The following CGN variants were observed in gnomAD, a reference collection of about 807,000 sequenced individuals.
CGN encodes cingulin.
CGN carries 121 observed loss-of-function variants against 157.1 expected under a neutral mutation model. That is an observed-to-expected ratio of 0.77 (90% CI 0.66 to 0.90). The LOEUF (loss-of-function observed/expected upper bound fraction) is 0.90. Among genes scored for constraint, CGN ranks in the 40% least tolerant of loss-of-function variants. The pLI is 0.00. For missense variants in CGN, 1,424 were observed against 1,520.9 expected, an observed-to-expected ratio of 0.94 and a Z score of 1.06; for synonymous variants, 535 against 607.5, an observed-to-expected ratio of 0.88 and a Z score of 1.76.
At chr1:151,516,604 G>A (rs901517071) in intron 1 of CGN, among the ~76,000 whole-genome samples, 3 of 149,510 alleles carry the variant, frequency 2.0e-5, no homozygotes, top group Non-Finnish European at 4.4e-5. Flanking sequence ...GTGCAATGGC[G>A]TGATCTTGGG....
At position 151,534,002 on chromosome 1, in the gene CGN, G is replaced by A. The variant is rs748587096; in HGVS notation, c.2770G>A (p.Ala924Thr). ...EIQRLRQALQ[A>T]SQAERDTARL... ...CCAGAGGCTGCGGCAGGCCCTGCAGGCATCCCAGGCTGAGCGGGACACAGC... is the reference window on the plus strand; with the variant it reads ...CCAGAGGCTGCGGCAGGCCCTGCAGACATCCCAGGCTGAGCGGGACACAGC... Residue 924 changes from alanine to threonine, a missense_variant, in exon 15 of 21, where the codon GCA becomes ACA. Ala to Thr is a moderately conservative substitution (Grantham distance 58). Coordinates refer to ENST00000271636, the MANE Select transcript of CGN (RefSeq NM_020770.3). The A allele has an allele frequency of 8.1e-6, 13 of 1,611,620 alleles. No individual in the cohort carries two copies. The highest frequency in any genetic ancestry group is 1.1e-5 in the Non-Finnish European group (13 of 1,179,530).
intron 1 of CGN, among the ~76,000 whole-genome samples, chr1:151,517,508 GT>G (rs560006460): frequency 0.04 from 5,268 of 130,666 alleles, 206 homozygotes; most frequent in African/African-American, 0.12. Context: ...GGCACACAGT[GT>G]TTTTTTTTTT....
intron 5 of CGN, 109 bp from the exon 6 acceptor site, chr1:151,523,325 T>A: frequency 9.8e-7 from 1 of 1,020,262 alleles, no homozygotes; most frequent in Non-Finnish European, 1.4e-6. Flanking sequence ...AAGTATAGTG[T>A]CTATCATACA....
intron 6 of CGN, 57 bp downstream of exon 6, chr1:151,523,618 G>A: frequency 1.3e-6 from 2 of 1,497,980 alleles, no homozygotes; most frequent in South Asian, 2.7e-5. Flanking sequence ...CAGGTTTAGA[G>A]GCCACTCCCT....
At position 151,526,967 on chromosome 1, in the gene CGN, T is replaced by G. The variant is rs756091482; in HGVS notation, c.1764-8T>G. ...CCTTTCCCCTTTATTTCACCTTGCC[T>G]GGCTCAGACTCCTGCAGCTGCGAAT... On this transcript the variant is annotated splice_region_variant and splice_polypyrimidine_tract_variant and intron_variant, in intron 9 of 20. Transcript: ENST00000271636. The G allele has an allele frequency of 1.2e-6, 2 of 1,614,152 alleles. No individual in the cohort carries two copies. Among genetic ancestry groups the G allele is most frequent in the South Asian group, 2.2e-5 (2 of 91,082 alleles).
chr1:151,530,145 T>TGCTCA, intron 12 of CGN, 30 bp downstream of exon 12: 1 of 1,590,952 alleles, frequency 6.3e-7, no homozygotes, highest in Non-Finnish European at 8.6e-7. Context: ...CAGCCCTCTC[T>TGCTCA]GCTCAGCCCT....
Position 151,524,550 on chromosome 1 carries a change from C to T in CGN, c.1402-124C>T. The T allele has an allele frequency of 4.4e-6, 5 of 1,146,288 alleles. No homozygotes were observed. Among genetic ancestry groups the T allele is most frequent in the Non-Finnish European group, 6.3e-6 (5 of 799,648 alleles). The allele number at this position is 1,146,288 out of a possible 1,614,324, so 71.0% of individuals were successfully genotyped here. A position where few individuals can be genotyped will look rare whatever the true frequency, so the allele number is the denominator to read the frequency against. On this transcript the variant is annotated intron_variant, in intron 7 of 20. Transcript: ENST00000271636. This position sits in a 1 kb window ranked among gnomAD's most constrained non-coding sequence, Gnocchi z 4.4. ...AAAGGAAACCTATCATTCTGGGCTC[C>T]AGTACTGGTACTAGAGCACCTGGTA...
Position 151,536,747 on chromosome 1 carries a change from G to C in CGN, c.3324G>C (p.Lys1108Asn). The change falls in exon 20 of 21, where the codon AAG (lysine) becomes AAC (asparagine). Residue 1108 changes from lysine to asparagine, a missense_variant. Physicochemically the swap from Lys to Asn is moderately conservative, Grantham distance 94. Around this residue, in one of 3 missense-constraint regions of CGN, gnomAD observed 199 missense variants for 272.2 expected, o/e 0.73. Coordinates refer to ENST00000271636, the MANE Select transcript of CGN (RefSeq NM_020770.3). ...DQKDQLSLRV[K>N]ALKRQVDEAE... ...CTGCCCAGCTAAGCCTGAGGGTGAA[G>C]GCTTTGAAGCGTCAGGTGGATGAAG... The C allele has an allele frequency of 6.2e-7, 1 of 1,614,126 alleles. No individual in the cohort carries two copies. The highest frequency in any genetic ancestry group is 8.5e-7 in the Non-Finnish European group (1 of 1,180,010).
At chr1:151,537,013 G>C in intron 20 of CGN, 120 bp downstream of exon 20, 2 of 1,261,914 alleles carry the variant, frequency 1.6e-6, no homozygotes, top group Non-Finnish European at 2.2e-6. Flanking sequence ...ACTTGTTTCT[G>C]GTTGGAAGCC....
rs1215535824 is a variant in CGN at position 151,525,700 on chromosome 1, A to G, written c.1673A>G (p.Gln558Arg). Residue 558 changes from glutamine to arginine, a missense_variant, in exon 9 of 21, where the codon CAG becomes CGG. Gln to Arg is a conservative substitution (Grantham distance 43). This residue lies in a region of CGN where 1,187 missense variants were observed against 1,217.6 expected (regional missense o/e 0.97). Coordinates refer to ENST00000271636, the MANE Select transcript of CGN (RefSeq NM_020770.3). The stretch of plus-strand genomic sequence containing the variant: ...ATGTCAGCCCTTGTGCGAGGGCTGC[A>G]GAGGGAGCTGGAGGAGACTTCAGAG... ...QKMSALVRGL[Q>R]RELEETSEET... is the part of the protein sequence containing the mutation. 4 of 1,612,542 alleles carry G rather than the reference A, an allele frequency of 2.5e-6. No homozygotes were observed. Among genetic ancestry groups the G allele is most frequent in the East Asian group, 2.2e-5 (1 of 44,654 alleles).
intron 1 of CGN, among the ~76,000 whole-genome samples, chr1:151,514,250 A>T (rs1664360679): frequency 6.6e-6 from 1 of 152,116 alleles, no homozygotes; most frequent in Non-Finnish European, 1.5e-5. Context: ...GCCTCTGAAT[A>T]ATTTAGTGCT....
intron 1 of CGN, among the ~76,000 whole-genome samples, chr1:151,516,699 C>T (rs576962234): frequency 3.3e-5 from 5 of 151,794 alleles, no homozygotes; most frequent in South Asian, 2.1e-4. Flanking sequence ...CCCGCTACCA[C>T]GCCCGGCTGA....
intron 10 of CGN, among the ~76,000 whole-genome samples, chr1:151,528,147 A>C (rs1055034113): frequency 2.1e-4 from 32 of 149,998 alleles, no homozygotes; most frequent in Admixed American, 1.5e-3. Flanking sequence ...TTACAAAAAA[A>C]ATACACGTAC....
At chr1:151,510,951 G>A (rs1664267179), upstream of CGN, 1 of 152,254 alleles carries the variant, frequency 6.6e-6, no homozygotes, top group Non-Finnish European at 1.5e-5. Context: ...GGGGACAACG[G>A]AGATATTTTC....
chr1:151,536,022 G>T, intron 18 of CGN, 124 bp downstream of exon 18: 1 of 783,926 alleles, frequency 1.3e-6, no homozygotes, highest in Non-Finnish European at 2.2e-6. Context: ...CTGATCTTTA[G>T]GGAACACTTT....
At chr1:151,528,053 T>C (rs1664735068) in intron 10 of CGN, 1 of 151,550 alleles carries the variant, frequency 6.6e-6, no homozygotes, top group Non-Finnish European at 1.4e-5. Context: ...CCTCCTGGGT[T>C]CACGCCGTTC....
intron 10 of CGN, among the ~76,000 whole-genome samples, chr1:151,528,275 CCG>C (rs1664744438): frequency 6.6e-6 from 1 of 152,030 alleles, no homozygotes; most frequent in Admixed American, 6.6e-5. Flanking sequence ...GCGTGAGCCA[CCG>C]CACCCAGCCT....
chr1:151,520,712 C>T (rs1053672317), intron 5 of CGN, 21 bp downstream of exon 5: 1 of 1,599,998 alleles, frequency 6.3e-7, no homozygotes. Flanking sequence ...GTTAGAGGTG[C>T]CGGAGGCATG....
At position 151,532,557 on chromosome 1, in the gene CGN, C is replaced by G; in HGVS notation, c.2727C>G (p.Ser909Arg). Residue 909 changes from serine (S) to arginine (R), a missense_variant, in exon 14 of 21, where the codon AGC (serine) becomes AGG (arginine). Physicochemically the swap from Ser to Arg is moderately radical, Grantham distance 110. This residue lies in a region of CGN where 1,187 missense variants were observed against 1,217.6 expected (regional missense o/e 0.97). Coordinates refer to ENST00000271636, the MANE Select transcript of CGN (RefSeq NM_020770.3). ...SEAEKTSGGLSRLQDEIQRLR... is the reference protein window; with the variant it reads ...SEAEKTSGGLRRLQDEIQRLR... Reference sequence around the variant, plus strand: ...CTGAGAAGACCTCTGGAGGACTGAGCCGACTTCAGGATGAGGTAGAAGTCT... The same window carrying G: ...CTGAGAAGACCTCTGGAGGACTGAGGCGACTTCAGGATGAGGTAGAAGTCT... The G allele has an allele frequency of 6.5e-7, 1 of 1,545,318 alleles. No individual in the cohort carries two copies. Among genetic ancestry groups the G allele is most frequent in the East Asian group, 2.4e-5 (1 of 41,322 alleles).
Sources: allele counts gnomAD v4.1 joint callset (sites outside exome capture counted in the v4.1 genomes callset), GRCh38; gene constraint gnomAD v4.1.1; regional missense constraint gnomAD v4.1.1; non-coding constraint Gnocchi (gnomAD v3.1); transcripts MANE v1.5; gene names NCBI Gene and HGNC (gene_info 2026-07-23, HGNC 2026-07-21).